GNA12: variants seen among roughly 807,000 people sequenced by gnomAD.
GNA12 encodes the protein guanine nucleotide-binding protein subunit alpha-12.
A neutral mutation model predicts 26.0 loss-of-function variants in GNA12; 9 were observed. The ratio of observed to expected loss-of-function variants is 0.35; its 90% CI spans 0.21 to 0.60. The LOEUF is 0.60. Ranked by LOEUF, GNA12 falls within the 20% of genes least tolerant of loss-of-function variation. GNA12 has a pLI of 0.78. For synonymous variants in GNA12, 264 were observed against 219.6 expected (o/e 1.20, Z -1.79); for missense variants, 405 against 525.8 (o/e 0.77, Z 2.25).
chr7:2,812,432 C>T lies in GNA12; in HGVS notation c.310-17289G>A, dbSNP rs28645370. ...ACCACTTGAGGTCAGGAGTTTGAGA[C>T]CAGCCTGACCAACATGATTAAACCC... On this transcript the variant is annotated intron_variant, in intron 1 of 3. Coordinates refer to ENST00000275364, the MANE Select transcript of GNA12 (RefSeq NM_007353.3). Among the ~76,000 whole-genome samples the T allele has an allele frequency of 3.0e-3, 463 of 152,196 alleles. 1 individual carries two copies. Among genetic ancestry groups the T allele is most frequent in the African/African-American group, 0.01 (436 of 41,532 alleles).
chr7:2,761,476 CA>C (rs1791552778), intron 2 of GNA12, among the ~76,000 whole-genome samples: 2 of 152,150 alleles, frequency 1.3e-5, no homozygotes, highest in South Asian at 2.1e-4. Flanking sequence ...AGAAGAAAAC[CA>C]GAAACTTTTT....
In GNA12 at chr7:2,731,259, G is replaced by T. The variant is rs748435612; in HGVS notation, c.1068C>A (p.Thr356=). The change falls in exon 4 of 4, where the codon ACC becomes ACA. Residue 356 remains threonine (T), a synonymous_variant. Transcript: ENST00000275364. This position sits in a 1 kb window ranked among gnomAD's most constrained non-coding sequence, Gnocchi z 6.0. ...CATGGAACACGAAGCGGACGTTCTCGGTGTCGATGGCGGTGGTGAAGTGGT... is the reference window on the plus strand; with the variant it reads ...CATGGAACACGAAGCGGACGTTCTCTGTGTCGATGGCGGTGGTGAAGTGGT... ...LFHHFTTAID[T]ENVRFVFHAV... is the part of the protein sequence containing the mutation. The T allele has an allele frequency of 2.5e-6, 4 of 1,613,850 alleles. No individual in the cohort carries two copies. The highest frequency in any genetic ancestry group is 3.4e-6 in the Non-Finnish European group (4 of 1,179,954).
At chr7:2,772,440 G>A (rs139852240) in intron 2 of GNA12, among the ~76,000 whole-genome samples, 2,553 of 152,100 alleles carry the variant, frequency 0.017, 26 homozygotes, top group Middle Eastern at 0.031. Flanking sequence ...GGCACCTGTA[G>A]TCCCAGCTAC....
At position 2,731,152 on chromosome 7, in the gene GNA12, AACG is replaced by A. The variant is rs1323198425; in HGVS notation, c.*26_*28del. On this transcript the variant is annotated 3_prime_UTR_variant, in exon 4 of 4. Coordinates refer to ENST00000275364, the MANE Select transcript of GNA12 (RefSeq NM_007353.3). This position sits in a 1 kb window ranked among gnomAD's most constrained non-coding sequence, Gnocchi z 6.0. ...TGACCGACAGCCGTGGGGGCTGCTCAACGACGACAAACCCCGGGGCTTCCTCGC... is the reference window on the plus strand; with the variant it reads ...TGACCGACAGCCGTGGGGGCTGCTCAACGACAAACCCCGGGGCTTCCTCGC... 6.6e-7 allele frequency: 1 copy of A among 1,516,722 alleles called. No individual in the cohort carries two copies. The highest frequency in any genetic ancestry group is 9.1e-7 in the Non-Finnish European group (1 of 1,104,688). The allele number at this position is 1,516,722 out of a possible 1,614,324, so 94.0% of individuals were successfully genotyped here.
intron 2 of GNA12, among the ~76,000 whole-genome samples, chr7:2,785,446 G>A (rs1359699817): frequency 6.6e-6 from 1 of 152,120 alleles, no homozygotes; most frequent in African/African-American, 2.4e-5. Flanking sequence ...ATCACACTAT[G>A]GAAGTTAATT....
At chr7:2,736,615 C>T (rs945776086) in intron 2 of GNA12, among the ~76,000 whole-genome samples, 1 of 152,190 alleles carries the variant, frequency 6.6e-6, no homozygotes, top group Non-Finnish European at 1.5e-5. Flanking sequence ...GATGTGATGT[C>T]GTGACACTGG....
chr7:2,763,128 T>C (rs1264865984), intron 2 of GNA12: 10 of 1,233,954 alleles, frequency 8.1e-6, no homozygotes, highest in Non-Finnish European at 1.0e-5. Context: ...TCCTCTCTCT[T>C]CTCAGAAGCA....
intron 2 of GNA12, among the ~76,000 whole-genome samples, chr7:2,780,292 T>C (rs924458041): frequency 6.6e-6 from 1 of 151,930 alleles, no homozygotes; most frequent in Non-Finnish European, 1.5e-5. Context: ...AATTAGGTTG[T>C]TTCCTTTTTG....
chr7:2,786,779 C>T (rs547469909), intron 2 of GNA12, among the ~76,000 whole-genome samples: 1 of 152,286 alleles, frequency 6.6e-6, no homozygotes, highest in East Asian at 1.9e-4. Context: ...CTCTGAGCTG[C>T]TATAACCTCT....
chr7:2,806,798 C>T (rs1163442963), intron 1 of GNA12, among the ~76,000 whole-genome samples: 2 of 152,144 alleles, frequency 1.3e-5, no homozygotes, highest in Non-Finnish European at 2.9e-5. Context: ...TATGGCTGGA[C>T]ATCGGAATTC....
chr7:2,754,775 A>G (rs1383930845), intron 2 of GNA12, among the ~76,000 whole-genome samples: 1 of 152,130 alleles, frequency 6.6e-6, no homozygotes, highest in African/African-American at 2.4e-5. Flanking sequence ...CAGAGCAAAC[A>G]TTTCAAATTT....
chr7:2,762,664 A>C, intron 2 of GNA12: 1 of 1,599,628 alleles, frequency 6.3e-7, no homozygotes, highest in South Asian at 1.1e-5. Context: ...CGATGAGAGG[A>C]TAAATCATTT....
intron 1 of GNA12, among the ~76,000 whole-genome samples, chr7:2,805,632 G>A (rs1185477064): frequency 6.6e-6 from 1 of 152,222 alleles, no homozygotes; most frequent in East Asian, 1.9e-4. Flanking sequence ...CAGCAGGCAC[G>A]GAGACTAGAG....
chr7:2,840,659 G>T (rs1778965336), intron 1 of GNA12, among the ~76,000 whole-genome samples: 1 of 152,154 alleles, frequency 6.6e-6, no homozygotes, highest in South Asian at 2.1e-4. Flanking sequence ...AAGAGCTCAA[G>T]ACCAGCCTGG....
intron 1 of GNA12, among the ~76,000 whole-genome samples, chr7:2,796,427 G>GCGGCTGGCTGT (rs1489069891): frequency 1.3e-5 from 2 of 152,100 alleles, no homozygotes; most frequent in African/African-American, 4.8e-5. Context: ...GTGGATAACG[G>GCGGCTGGCTGT]GAGATGACTG....
At chr7:2,765,613 T>G (rs1310810510) in intron 2 of GNA12, among the ~76,000 whole-genome samples, 1 of 150,506 alleles carries the variant, frequency 6.6e-6, no homozygotes, top group Admixed American at 6.6e-5. Flanking sequence ...TATCCTGTGT[T>G]TGTTTTTTTT....
chr7:2,843,027 C>T (rs1042124186), intron 1 of GNA12, among the ~76,000 whole-genome samples: 1 of 152,194 alleles, frequency 6.6e-6, no homozygotes, highest in Non-Finnish European at 1.5e-5. Flanking sequence ...TGGCTCACAC[C>T]TGTAATCTCA....
chr7:2,817,954 A>T (rs1479892244), intron 1 of GNA12, among the ~76,000 whole-genome samples: 1 of 152,224 alleles, frequency 6.6e-6, no homozygotes, highest in Non-Finnish European at 1.5e-5. Flanking sequence ...ATGTATTAGA[A>T]CACCTGCTTT....
At chr7:2,764,979 C>T (rs1791744334) in intron 2 of GNA12, 1 of 152,188 alleles carries the variant, frequency 6.6e-6, no homozygotes, top group African/African-American at 2.4e-5. Context: ...AAGTAATAAG[C>T]AGTTTGCTTT....
Sources: gnomAD v4.1 joint callset for allele counts (sites outside exome capture counted in the v4.1 genomes callset) on GRCh38, gnomAD v4.1.1 for gene constraint, Gnocchi (gnomAD v3.1) non-coding constraint, MANE v1.5 for transcripts, NCBI Gene and HGNC (gene_info 2026-07-23, HGNC 2026-07-21) for gene names.